Variants in PRKCB observed in about 807,000 individuals in gnomAD.
The protein encoded by PRKCB is protein kinase C beta type.
In PRKCB, 13 loss-of-function variants were observed where a neutral mutation model predicts 81.5. That is an observed-to-expected ratio of 0.16 (90% CI 0.10 to 0.25). The LOEUF is 0.25. PRKCB is among the 10% of genes least tolerant of loss of function. The probability of loss-of-function intolerance (pLI) is 1.00; values close to 1 mark genes in which losing one functional copy is unlikely to be tolerated. For missense variants in PRKCB, 509 were observed against 875.7 expected (o/e 0.58, Z 5.29); for synonymous variants, 335 against 321.4 (o/e 1.04, Z -0.45).
intron 9 of PRKCB, among the ~76,000 whole-genome samples, chr16:24,128,634 C>T (rs180791803): frequency 1.6e-3 from 241 of 152,264 alleles, no homozygotes; most frequent in African/African-American, 5.5e-3. Flanking sequence ...CTGGCTTACT[C>T]GGAGGTAGAT....
chr16:23,855,034 T>C (rs1410752726), intron 2 of PRKCB, among the ~76,000 whole-genome samples: 4 of 151,990 alleles, frequency 2.6e-5, no homozygotes, highest in Non-Finnish European at 4.4e-5. Context: ...GACTACTGAA[T>C]ACTGCCATCA....
At chr16:24,148,278 C>T (rs567555590) in intron 9 of PRKCB, among the ~76,000 whole-genome samples, 1 of 152,316 alleles carries the variant, frequency 6.6e-6, no homozygotes, top group Non-Finnish European at 1.5e-5. Flanking sequence ...TGCTGACCCA[C>T]TCAGCGATGT....
chr16:23,911,583 A>C (rs1028152074), intron 2 of PRKCB, among the ~76,000 whole-genome samples: 1 of 152,168 alleles, frequency 6.6e-6, no homozygotes, highest in Non-Finnish European at 1.5e-5. Context: ...ACTATTAATC[A>C]TATTGCAGAT....
intron 2 of PRKCB, among the ~76,000 whole-genome samples, chr16:23,860,545 A>G (rs1360122994): frequency 6.6e-6 from 1 of 152,158 alleles, no homozygotes; most frequent in Non-Finnish European, 1.5e-5. Flanking sequence ...AAAGATTTTT[A>G]ATGATGTAAG....
chr16:24,027,701 C>T (rs545535379), intron 3 of PRKCB, among the ~76,000 whole-genome samples: 4 of 152,148 alleles, frequency 2.6e-5, no homozygotes, highest in Non-Finnish European at 5.9e-5. Flanking sequence ...AAGAAGCAAC[C>T]GAAGTCTGCA....
intron 15 of PRKCB, among the ~76,000 whole-genome samples, chr16:24,189,641 C>CA (rs10605364): frequency 0.077 from 6,377 of 82,934 alleles, 256 homozygotes; most frequent in Non-Finnish European, 0.095. Flanking sequence ...GACTCCGTCT[C>CA]AAAAAAAAAA....
intron 15 of PRKCB, among the ~76,000 whole-genome samples, chr16:24,189,381 G>A (rs1235635026): frequency 6.6e-6 from 1 of 152,182 alleles, no homozygotes; most frequent in African/African-American, 2.4e-5. Flanking sequence ...GCTCTTGCCT[G>A]TAATCCCAGC....
At chr16:24,097,871 A>G (rs547980065) in intron 7 of PRKCB, among the ~76,000 whole-genome samples, 1 of 152,330 alleles carries the variant, frequency 6.6e-6, no homozygotes, top group Non-Finnish European at 1.5e-5. Context: ...TGGGTTACAT[A>G]AGGAGTTGTG....
At chr16:23,867,039 TC>T (rs1298166006) in intron 2 of PRKCB, among the ~76,000 whole-genome samples, 2,796 of 96,752 alleles carry the variant, frequency 0.029, 47 homozygotes, top group Middle Eastern at 0.049. Flanking sequence ...CTTCCTTCCT[TC>T]CTTCCTTCCT....
At chr16:23,901,437 G>A (rs1181160556) in intron 2 of PRKCB, among the ~76,000 whole-genome samples, 1 of 152,278 alleles carries the variant, frequency 6.6e-6, no homozygotes, top group East Asian at 1.9e-4. Flanking sequence ...TACGCAGACT[G>A]GAAGTTGTGG....
intron 2 of PRKCB, among the ~76,000 whole-genome samples, chr16:23,895,211 A>G (rs1462012513): frequency 1.3e-5 from 2 of 152,238 alleles, no homozygotes; most frequent in African/African-American, 4.8e-5. Flanking sequence ...TCCTGTAATG[A>G]TGTGAAAAAT....
At chr16:23,988,084 A>T (rs1964825452) in intron 2 of PRKCB, among the ~76,000 whole-genome samples, 1 of 152,170 alleles carries the variant, frequency 6.6e-6, no homozygotes. Flanking sequence ...CATCGTATGA[A>T]CACCTCTCTT....
chr16:24,055,242 T>G (rs1484579383), intron 5 of PRKCB, among the ~76,000 whole-genome samples: 2 of 152,252 alleles, frequency 1.3e-5, no homozygotes, highest in Non-Finnish European at 2.9e-5. Flanking sequence ...AGAAGCTGAC[T>G]GCTCTGAAAC....
chr16:23,838,608 G>A (rs1962210264), intron 2 of PRKCB, among the ~76,000 whole-genome samples: 1 of 152,232 alleles, frequency 6.6e-6, no homozygotes, highest in Non-Finnish European at 1.5e-5. Flanking sequence ...TTTGAGTGTG[G>A]AAGAGTCTGA....
intron 7 of PRKCB, among the ~76,000 whole-genome samples, chr16:24,101,354 C>T (rs1966505273): frequency 6.6e-6 from 1 of 152,146 alleles, no homozygotes; most frequent in African/African-American, 2.4e-5. Context: ...TAGAGACCAG[C>T]TTGGGCAACA....
At chr16:23,883,679 A>G (rs539782867) in intron 2 of PRKCB, among the ~76,000 whole-genome samples, 5 of 152,198 alleles carry the variant, frequency 3.3e-5, no homozygotes, top group Non-Finnish European at 5.9e-5. Flanking sequence ...GGAGAGACAC[A>G]GGCAGATTTG....
At chr16:23,854,872 G>A (rs538424724) in intron 2 of PRKCB, among the ~76,000 whole-genome samples, 106 of 152,210 alleles carry the variant, frequency 7.0e-4, no homozygotes, top group Non-Finnish European at 1.4e-3. Context: ...AAATGAACTT[G>A]ATCAAAGGCA....
chr16:24,032,156 G>A lies in PRKCB; in HGVS notation c.309G>A (p.Lys103=), dbSNP rs942228683. The change falls in exon 4 of 17, where the codon AAG becomes AAA. Residue 103 remains lysine (K), a synonymous_variant. Transcript: ENST00000643927. ...PASDDPRSKH[K]FKIHTYSSPT... is the part of the protein sequence containing the mutation. ...TCCAGGACCCCCGCAGCAAACACAA[G>A]TTTAAGATCCACACGTACTCCAGCC... 1.5e-5 allele frequency: 25 copies of A among 1,613,396 alleles called. No individual in the cohort carries two copies. The highest frequency in any genetic ancestry group is 2.0e-5 in the Non-Finnish European group (24 of 1,179,692).
chr16:24,127,491 T>C (rs1057474375), intron 9 of PRKCB, among the ~76,000 whole-genome samples: 1 of 141,758 alleles, frequency 7.1e-6, no homozygotes, highest in African/African-American at 3.0e-5. Flanking sequence ...CCTGAGCTAA[T>C]TTAACATTTT....
Sources: allele counts gnomAD v4.1 joint callset (sites outside exome capture counted in the v4.1 genomes callset), GRCh38; gene constraint gnomAD v4.1.1; transcripts MANE v1.5; gene names NCBI Gene and HGNC (gene_info 2026-07-23, HGNC 2026-07-21).